Variants in JCHAIN observed in about 807,000 individuals in gnomAD.
JCHAIN encodes joining chain of multimeric IgA and IgM.
JCHAIN carries 5 observed loss-of-function variants against 11.1 expected under a neutral mutation model. That is an observed-to-expected ratio of 0.45 (90% CI 0.24 to 0.95). The LOEUF (loss-of-function observed/expected upper bound fraction) is 0.95. Among genes scored for constraint, JCHAIN ranks in the 40% least tolerant of loss-of-function variants. The pLI is 0.21. For synonymous variants in JCHAIN, 51 were observed against 67.8 expected, an observed-to-expected ratio of 0.75 and a Z score of 1.22; for missense variants, 165 against 192.7, an observed-to-expected ratio of 0.86 and a Z score of 0.85.
intron 1 of JCHAIN, chr4:70,663,326 G>T (rs988524011): frequency 2.0e-5 from 3 of 151,828 alleles, no homozygotes; most frequent in Non-Finnish European, 4.4e-5. Context: ...AAGTAGCTGG[G>T]ACTACAGGTG....
chr4:70,658,166 T>C (rs2148527662), intron 2 of JCHAIN, among the ~76,000 whole-genome samples: 1 of 152,320 alleles, frequency 6.6e-6, no homozygotes, highest in Non-Finnish European at 1.5e-5. Context: ...CTAATTATTT[T>C]CATGTGTGAA....
chr4:70,655,601 A>G lies in JCHAIN; in HGVS notation c.*728T>C, dbSNP rs1488764596. 2 of 152,338 alleles carry G rather than the reference A, an allele frequency of 1.3e-5. No individual in the cohort carries two copies. The highest frequency in any genetic ancestry group is 1.9e-4 in the East Asian group (1 of 5,190). 9.4% of individuals were successfully genotyped at this position (152,338 alleles called of 1,614,324 possible). ...CTAGAGAATACGTACCATGAAATAC[A>G]TATATTTCATAAGGTTCAGTTACAA... On this transcript the variant is annotated 3_prime_UTR_variant, in exon 4 of 4. Transcript: ENST00000254801.
chr4:70,663,825 T>G (rs1194258911), intron 1 of JCHAIN, among the ~76,000 whole-genome samples: 1 of 151,690 alleles, frequency 6.6e-6, no homozygotes, highest in East Asian at 2.0e-4. Context: ...CCTCCCAAAG[T>G]GCTGGGATTA....
chr4:70,657,503 G>A (rs6831960), intron 2 of JCHAIN, among the ~76,000 whole-genome samples: 6,118 of 151,990 alleles, frequency 0.04, 406 homozygotes, highest in African/African-American at 0.14. Context: ...CAACAACTCC[G>A]CTGTCAACTA....
intron 2 of JCHAIN, among the ~76,000 whole-genome samples, chr4:70,659,550 A>AAAAAAAAAAAAC (rs1739016007): frequency 2.8e-5 from 1 of 36,084 alleles, no homozygotes; most frequent in Non-Finnish European, 5.8e-5. Context: ...ACTCTGTCTC[A>AAAAAAAAAAAAC]AAAAAAAAAA....
intron 2 of JCHAIN, among the ~76,000 whole-genome samples, chr4:70,657,682 G>T (rs6832354): frequency 0.04 from 6,140 of 152,098 alleles, 415 homozygotes; most frequent in African/African-American, 0.14. Context: ...ATAGTTGCTT[G>T]TCTACAGAGT....
chr4:70,662,925 C>T (rs1404816918), intron 1 of JCHAIN, among the ~76,000 whole-genome samples: 2 of 150,334 alleles, frequency 1.3e-5, no homozygotes, highest in Non-Finnish European at 3.0e-5. Context: ...TGCCACTGCA[C>T]TCCAGCTTGG....
At chr4:70,664,526 G>A (rs2148529419) in intron 1 of JCHAIN, among the ~76,000 whole-genome samples, 1 of 152,236 alleles carries the variant, frequency 6.6e-6, no homozygotes, top group Non-Finnish European at 1.5e-5. Context: ...GTAATTGTTT[G>A]AAGTACTTTA....
intron 2 of JCHAIN, 80 bp from the exon 3 acceptor site, chr4:70,657,371 A>G (rs1738969008): frequency 1.2e-6 from 1 of 815,584 alleles, no homozygotes; most frequent in Admixed American, 1.8e-5. Flanking sequence ...TACGGCCACT[A>G]TTTCATCAGA....
In JCHAIN at chr4:70,656,128, A is replaced by T; in HGVS notation, c.*201T>A. 1.8e-6 allele frequency: 1 copy of T among 561,752 alleles called. No homozygotes were observed. The highest frequency in any genetic ancestry group is 2.9e-5 in the East Asian group (1 of 34,588). 34.8% of individuals were successfully genotyped at this position (561,752 alleles called of 1,614,324 possible). A position where few individuals can be genotyped will look rare whatever the true frequency, so the allele number is the denominator to read the frequency against. On this transcript the variant is annotated 3_prime_UTR_variant, in exon 4 of 4. Coordinates refer to ENST00000254801, the MANE Select transcript of JCHAIN (RefSeq NM_144646.4). ...AGATTTTGATACTTAGAGTATGAACATATAATTAAGAAGTGATTACCTAAT... is the reference window on the plus strand; with the variant it reads ...AGATTTTGATACTTAGAGTATGAACTTATAATTAAGAAGTGATTACCTAAT...
At chr4:70,657,661 A>T (rs1393986858) in intron 2 of JCHAIN, among the ~76,000 whole-genome samples, 1 of 152,096 alleles carries the variant, frequency 6.6e-6, no homozygotes, top group East Asian at 1.9e-4. Context: ...TATTATATCA[A>T]ATGCCGTATC....
intron 2 of JCHAIN, among the ~76,000 whole-genome samples, chr4:70,659,947 T>A (rs992040436): frequency 4.6e-5 from 7 of 151,990 alleles, no homozygotes; most frequent in African/African-American, 1.7e-4. Context: ...GAACAGAAGA[T>A]CAACACATCA....
chr4:70,662,167 G>A lies in JCHAIN; in HGVS notation c.113C>T (p.Ala38Val), dbSNP rs539290972. 418 of 1,612,496 alleles carry A rather than the reference G, an allele frequency of 2.6e-4. 1 individual carries two copies. The South Asian group carries it at 4.3e-3, about 17-fold the overall frequency. The part of the protein sequence containing the change: ...IVLVDNKCKC[A>V]RITSRIIRSS... ...ACGGATGATCCTGGAAGTAATCCGG[G>A]CACACTTACATTTGTTGTCAACAAG... Residue 38 changes from alanine to valine, a missense_variant, in exon 2 of 4, where the codon GCC becomes GTC. Transcript: ENST00000254801.
At position 70,656,539 on chromosome 4, in the gene JCHAIN, G is replaced by A. The variant is rs770092875; in HGVS notation, c.270C>T (p.Leu90=). Residue 90 remains leucine (L), a splice_region_variant and synonymous_variant, in exon 4 of 4, where the codon CTC becomes CTT. Coordinates refer to ENST00000254801, the MANE Select transcript of JCHAIN (RefSeq NM_144646.4). ...RTRFVYHLSD[L]CKKCDPTEVE... ...CTTCTGTAGGATCACATTTTTTACA[G>A]CTGAAAAGCAAATATATGTATTAGA... 25 of 1,608,868 alleles carry A rather than the reference G, an allele frequency of 1.6e-5. No individual in the cohort carries two copies. Among genetic ancestry groups the A allele is most frequent in the Non-Finnish European group, 2.1e-5 (25 of 1,176,476 alleles).
chr4:70,658,588 A>G (rs1738999085), intron 2 of JCHAIN, among the ~76,000 whole-genome samples: 1 of 152,272 alleles, frequency 6.6e-6, no homozygotes. Flanking sequence ...TATGCTAAGC[A>G]TATTACGTGA....
chr4:70,663,194 GTTGT>G (rs1739093848), intron 1 of JCHAIN, among the ~76,000 whole-genome samples: 2 of 152,124 alleles, frequency 1.3e-5, no homozygotes, highest in South Asian at 4.2e-4. Flanking sequence ...GGTCTGATAA[GTTGT>G]TTGTTTATTT....
At position 70,666,056 on chromosome 4, in the gene JCHAIN, A is replaced by G. The variant is rs578162159; in HGVS notation, c.64+371T>C. On this transcript the variant is annotated intron_variant, in intron 1 of 3. Transcript: ENST00000254801. The stretch of plus-strand genomic sequence containing the variant: ...GCCTCTTTGGGGAAATAAAATCCCA[A>G]TGCATTCCATGTTGTACTTACAGTA... Among the ~76,000 whole-genome samples, 17 of 152,288 alleles carry G rather than the reference A, an allele frequency of 1.1e-4. No homozygotes were observed. The East Asian group carries it at 3.1e-3, about 28-fold the overall frequency.
In JCHAIN at chr4:70,656,071, C is replaced by T. The variant is rs1191332248; in HGVS notation, c.*258G>A. The T allele has an allele frequency of 5.0e-6, 2 of 399,138 alleles. No individual in the cohort carries two copies. Among genetic ancestry groups the T allele is most frequent in the Admixed American group, 4.1e-5 (1 of 24,116 alleles). 24.7% of individuals were successfully genotyped at this position (399,138 alleles called of 1,614,324 possible). A position where few individuals can be genotyped will look rare whatever the true frequency, so the allele number is the denominator to read the frequency against. On this transcript the variant is annotated 3_prime_UTR_variant, in exon 4 of 4. Coordinates refer to ENST00000254801, the MANE Select transcript of JCHAIN (RefSeq NM_144646.4). ...GCTAGAAACTGTATTCCTAAGAGAGCATACCTCTTTCAGGTGAGCATGATA... is the reference window on the plus strand; with the variant it reads ...GCTAGAAACTGTATTCCTAAGAGAGTATACCTCTTTCAGGTGAGCATGATA...
intron 1 of JCHAIN, among the ~76,000 whole-genome samples, chr4:70,662,416 T>G (rs76730359): frequency 6.6e-6 from 1 of 152,210 alleles, no homozygotes; most frequent in African/African-American, 2.4e-5. Flanking sequence ...TTTCACTTTT[T>G]TCTTGAACCA....
Sources: gnomAD v4.1 joint callset for allele counts (sites outside exome capture counted in the v4.1 genomes callset) on GRCh38, gnomAD v4.1.1 for gene constraint, MANE v1.5 for transcripts, NCBI Gene and HGNC (gene_info 2026-07-23, HGNC 2026-07-21) for gene names.